Variants in INPP4B observed in about 807,000 individuals in gnomAD.
The protein encoded by INPP4B is inositol polyphosphate 4-phosphatase type II.
Under a neutral mutation model 122.5 loss-of-function variants are expected in INPP4B, and 55 were observed. The ratio of observed to expected loss-of-function variants is 0.45; its 90% CI spans 0.36 to 0.56. INPP4B has a LOEUF of 0.56. Ranked by LOEUF, INPP4B falls within the 20% of genes least tolerant of loss-of-function variation. The pLI is 0.00. For missense variants in INPP4B, 1,000 were observed against 1,097.7 expected (o/e 0.91, Z 1.26); for synonymous variants, 403 against 388.7 (o/e 1.04, Z -0.43).
intron 2 of INPP4B, among the ~76,000 whole-genome samples, chr4:142,513,069 T>C (rs72946900): frequency 0.058 from 8,802 of 152,270 alleles, 301 homozygotes; most frequent in Admixed American, 0.079. Flanking sequence ...TAAAATGGTA[T>C]GTGGCTGAAA....
chr4:142,077,918 C>G (rs1200504262), intron 25 of INPP4B, among the ~76,000 whole-genome samples: 1 of 151,212 alleles, frequency 6.6e-6, no homozygotes, highest in African/African-American at 2.4e-5. Context: ...CATGGTTCCC[C>G]CCTAGAAACT....
intron 12 of INPP4B, among the ~76,000 whole-genome samples, chr4:142,226,764 T>A (rs971363723): frequency 1.3e-5 from 2 of 152,236 alleles, no homozygotes; most frequent in African/African-American, 4.8e-5. Context: ...GATATAAAAA[T>A]TAAATGGGCT....
At chr4:142,106,759 T>C (rs1052496950) in intron 23 of INPP4B, among the ~76,000 whole-genome samples, 3 of 152,266 alleles carry the variant, frequency 2.0e-5, no homozygotes, top group Admixed American at 2.0e-4. Flanking sequence ...GAGAGTTTAG[T>C]AGATTCACAG....
chr4:142,659,931 G>A (rs1259546525), intron 2 of INPP4B, among the ~76,000 whole-genome samples: 2 of 122,080 alleles, frequency 1.6e-5, no homozygotes. Context: ...TCTAAGCTTT[G>A]GTTCAAAGCC....
At chr4:142,562,818 T>C (rs906905312) in intron 2 of INPP4B, among the ~76,000 whole-genome samples, 3 of 152,156 alleles carry the variant, frequency 2.0e-5, no homozygotes, top group Admixed American at 1.3e-4. Context: ...TCTCTTCTCA[T>C]GTTACTTGCA....
At chr4:142,364,316 CTTGT>C (rs1561937419) in intron 7 of INPP4B, among the ~76,000 whole-genome samples, 1 of 151,818 alleles carries the variant, frequency 6.6e-6, no homozygotes, top group Admixed American at 6.6e-5. Context: ...ACTTTCCTTA[CTTGT>C]TTATTTAAAA....
rs184741850 is a variant in INPP4B at position 142,477,441 on chromosome 4, A to G, written c.-190-14715T>C. On this transcript the variant is annotated intron_variant, in intron 2 of 25. Transcript: ENST00000262992. ...TAGCAAAAGAGAAGAAATAAGCAAA[A>G]TTAGGGCTGATCTGAAGGAAACTGG... Among the ~76,000 whole-genome samples, 57 of 151,720 alleles carry G rather than the reference A, an allele frequency of 3.8e-4. 3 individuals carry two copies. In the East Asian group the frequency reaches 0.01, roughly 27 times the overall value.
intron 1 of INPP4B, among the ~76,000 whole-genome samples, chr4:142,760,324 C>T (rs552295838): frequency 1.3e-5 from 2 of 152,242 alleles, no homozygotes; most frequent in East Asian, 3.9e-4. Context: ...GACAAAACAT[C>T]TTTTAACTAA....
intron 7 of INPP4B, among the ~76,000 whole-genome samples, chr4:142,331,470 G>A (rs984662701): frequency 2.4e-4 from 36 of 152,068 alleles, no homozygotes; most frequent in African/African-American, 8.0e-4. Flanking sequence ...AAACATCTTC[G>A]TGAAATACAA....
chr4:142,152,748 C>T (rs1388357964), intron 17 of INPP4B, among the ~76,000 whole-genome samples: 1 of 152,134 alleles, frequency 6.6e-6, no homozygotes, highest in African/African-American at 2.4e-5. Flanking sequence ...GTGTCTGCCA[C>T]CACACTTGGC....
intron 2 of INPP4B, among the ~76,000 whole-genome samples, chr4:142,598,990 C>T (rs766861706): frequency 7.2e-5 from 11 of 152,164 alleles, no homozygotes; most frequent in East Asian, 1.9e-4. Flanking sequence ...CCATCCCCTA[C>T]TTTGTATAGT....
chr4:142,030,355 C>G, intron 25 of INPP4B: 2 of 1,456,948 alleles, frequency 1.4e-6, no homozygotes, highest in Non-Finnish European at 1.8e-6. Context: ...AGAGTTCACA[C>G]AGTAAAAAAA....
chr4:142,462,022 T>C (rs906601770), intron 3 of INPP4B, among the ~76,000 whole-genome samples: 3 of 152,208 alleles, frequency 2.0e-5, no homozygotes, highest in African/African-American at 4.8e-5. Context: ...TCTTCCCTTC[T>C]GTGACTTTGC....
chr4:142,163,282 A>C (rs978217897), intron 16 of INPP4B, among the ~76,000 whole-genome samples: 1 of 151,894 alleles, frequency 6.6e-6, no homozygotes, highest in Non-Finnish European at 1.5e-5. Context: ...CAAGTGATGA[A>C]ATTTTGTGCC....
intron 2 of INPP4B, among the ~76,000 whole-genome samples, chr4:142,492,901 A>C (rs905996516): frequency 6.6e-6 from 1 of 152,206 alleles, no homozygotes; most frequent in Non-Finnish European, 1.5e-5. Flanking sequence ...AGACCTTCAC[A>C]GCAGCCTGTC....
chr4:142,281,172 A>G (rs1751027061), intron 9 of INPP4B, among the ~76,000 whole-genome samples: 2 of 151,828 alleles, frequency 1.3e-5, no homozygotes, highest in African/African-American at 4.8e-5. Flanking sequence ...CACCTTTTAA[A>G]CACAGACTAT....
intron 2 of INPP4B, among the ~76,000 whole-genome samples, chr4:142,596,808 C>A (rs1021290315): frequency 6.6e-6 from 1 of 152,200 alleles, no homozygotes; most frequent in African/African-American, 2.4e-5. Context: ...CTGGCCAGTT[C>A]TTTGTGGAAA....
rs556010944 is a variant in INPP4B, at chr4:142,618,088, A to G, written c.-191+107751T>C. Reference sequence around the variant, plus strand: ...TTTATATACTTCATGTGCTATAGTAATATATCCAATGGGGAACATTAAGAA... The same window carrying G: ...TTTATATACTTCATGTGCTATAGTAGTATATCCAATGGGGAACATTAAGAA... On this transcript the variant is annotated intron_variant, in intron 2 of 25. Coordinates refer to ENST00000262992, the MANE Select transcript of INPP4B (RefSeq NM_001101669.3). Among the ~76,000 whole-genome samples, 5 of 152,296 alleles carry G rather than the reference A, an allele frequency of 3.3e-5. No homozygotes were observed. In the South Asian group the frequency reaches 1.0e-3, roughly 32 times the overall value.
chr4:142,839,117 T>G (rs750720166), intron 1 of INPP4B, among the ~76,000 whole-genome samples: 5 of 152,216 alleles, frequency 3.3e-5, no homozygotes, highest in Admixed American at 6.5e-5. Flanking sequence ...AGCTAAGTTG[T>G]TGTATTCCAT....
Sources: allele counts gnomAD v4.1 joint callset (sites outside exome capture counted in the v4.1 genomes callset), GRCh38; gene constraint gnomAD v4.1.1; transcripts MANE v1.5; gene names NCBI Gene and HGNC (gene_info 2026-07-23, HGNC 2026-07-21).